Variants in NPIPB15 observed in about 807,000 individuals in gnomAD.
NPIPB15 encodes the protein nuclear pore complex interacting protein family member B15.
In NPIPB15, 5 loss-of-function variants were observed where a neutral mutation model predicts 35.9. The observed-to-expected ratio is 0.14, with a 90% CI of 0.07 to 0.29. NPIPB15 has a LOEUF of 0.29. NPIPB15 is among the 10% of genes least tolerant of loss of function. The probability of loss-of-function intolerance (pLI) is 1.00; values close to 1 mark genes in which losing one functional copy is unlikely to be tolerated. For missense variants in NPIPB15, 100 were observed against 506.1 expected, an observed-to-expected ratio of 0.20 and a Z score of 7.70; for synonymous variants, 43 against 182.0, an observed-to-expected ratio of 0.24 and a Z score of 6.15.
chr16:74,382,888 G>C (rs1438192258), intron 3 of NPIPB15, among the ~76,000 whole-genome samples: 101 of 148,598 alleles, frequency 6.8e-4, no homozygotes, highest in Non-Finnish European at 1.1e-3. Context: ...GAGAATTTTT[G>C]GTATAAATTG....
rs2011682073 is a variant in NPIPB15, at chr16:74,376,752, A to G, written c.-617A>G. 6.6e-6 allele frequency among the ~76,000 whole-genome samples: 1 copy of G among 151,360 alleles called. No homozygotes were observed. Among genetic ancestry groups the G allele is most frequent in the Non-Finnish European group, 1.5e-5 (1 of 67,886 alleles). On this transcript the variant is annotated 5_prime_UTR_variant, in exon 1 of 8. Transcript: ENST00000692376. ...ACACAACCTTGTGCCACAAAGAGGA[A>G]TTCCCAGGCCAGGGGGAGACATTTT...
At chr16:74,384,994 TGTGTGTG>T (rs2012191470) in intron 3 of NPIPB15, among the ~76,000 whole-genome samples, 4 of 24,270 alleles carry the variant, frequency 1.6e-4, no homozygotes, top group East Asian at 3.6e-3. Context: ...GTCATTCTTG[TGTGTGTG>T]TGTGTGTGTG....
At position 74,376,429 on chromosome 16, in the gene NPIPB15, G is replaced by T. The variant is rs1350380029; in HGVS notation, c.-940G>T. Among the ~76,000 whole-genome samples the T allele has an allele frequency of 6.6e-6, 1 of 150,976 alleles. No homozygotes were observed. The highest frequency in any genetic ancestry group is 6.7e-5 in the Admixed American group (1 of 14,906). On this transcript the variant is annotated 5_prime_UTR_variant, in exon 1 of 8. Coordinates refer to ENST00000692376, the MANE Select transcript of NPIPB15 (RefSeq NM_001306094.2). Reference sequence around the variant, plus strand: ...GGTCTGTCCTGGTCACCAGACCCCTGGGTCCTGCCCACCTGCTTGGAGCTC... The same window carrying T: ...GGTCTGTCCTGGTCACCAGACCCCTTGGTCCTGCCCACCTGCTTGGAGCTC...
chr16:74,379,954 A>ATTTTT (rs1172863582), intron 2 of NPIPB15, among the ~76,000 whole-genome samples: 2 of 139,226 alleles, frequency 1.4e-5, no homozygotes, highest in African/African-American at 5.3e-5. Context: ...TCTTCATTGT[A>ATTTTT]TTTTTTTTTT....
At chr16:74,382,724 T>G (rs1346939318) in intron 3 of NPIPB15, among the ~76,000 whole-genome samples, 1 of 152,252 alleles carries the variant, frequency 6.6e-6, no homozygotes, top group Non-Finnish European at 1.5e-5. Flanking sequence ...CTTTTTTATA[T>G]TCAAGGGAAG....
At chr16:74,387,369 C>T (rs1427479718) in intron 5 of NPIPB15, among the ~76,000 whole-genome samples, 10 of 149,124 alleles carry the variant, frequency 6.7e-5, no homozygotes, top group African/African-American at 1.0e-4. Flanking sequence ...ATTCCAAATG[C>T]GAGGCTGACT....
rs1324063963 is a variant in NPIPB15, at chr16:74,376,314, A to C, written c.-1055A>C. Among the ~76,000 whole-genome samples the C allele has an allele frequency of 6.6e-6, 1 of 151,278 alleles. No individual in the cohort carries two copies. Among genetic ancestry groups the C allele is most frequent in the Non-Finnish European group, 1.5e-5 (1 of 67,948 alleles). The stretch of plus-strand genomic sequence containing the variant: ...GTGGTTTTCAGCTGCCAGAGGCCTG[A>C]GTGAGTTTGGGCACACTCTGTGTGA... On this transcript the variant is annotated 5_prime_UTR_variant, in exon 1 of 8. Coordinates refer to ENST00000692376, the MANE Select transcript of NPIPB15 (RefSeq NM_001306094.2).
At chr16:74,380,877 G>A (rs1348128868) in intron 2 of NPIPB15, among the ~76,000 whole-genome samples, 5 of 152,350 alleles carry the variant, frequency 3.3e-5, no homozygotes, top group African/African-American at 1.2e-4. Context: ...TGGGCACGGT[G>A]GCTCACACCT....
intron 5 of NPIPB15, chr16:74,388,681 G>T (rs2012400563): frequency 1.0e-6 from 1 of 961,604 alleles, no homozygotes; most frequent in African/African-American, 1.8e-5. Flanking sequence ...GGTGGATCAT[G>T]TGTGTGCATT....
intron 5 of NPIPB15, among the ~76,000 whole-genome samples, chr16:74,387,433 T>G (rs1263586414): frequency 6.7e-6 from 1 of 149,672 alleles, no homozygotes; most frequent in Non-Finnish European, 1.5e-5. Flanking sequence ...TTTACTGCCA[T>G]GTTAGCTATT....
rs71218016 is a variant in NPIPB15 at position 74,386,457 on chromosome 16, A to ATT, written c.545+726_545+727dup. On this transcript the variant is annotated intron_variant, in intron 5 of 7. Coordinates refer to ENST00000692376, the MANE Select transcript of NPIPB15 (RefSeq NM_001306094.2). Reference sequence around the variant, plus strand: ...AGGTGTGTGCCACCACATTCGGCCAATTTTTTTTTTTTTTTTTTTGAGACA... The same window carrying ATT: ...AGGTGTGTGCCACCACATTCGGCCAATTTTTTTTTTTTTTTTTTTTTGAGACA... Among the ~76,000 whole-genome samples, 448 of 66,132 alleles carry ATT rather than the reference A, an allele frequency of 6.8e-3. 2 individuals carry two copies. Among genetic ancestry groups the ATT allele is most frequent in the African/African-American group, 0.027 (402 of 15,060 alleles). The allele number at this position is 66,132 out of a possible 152,430, so 43.4% of individuals were successfully genotyped here.
chr16:74,376,641 A>G lies in NPIPB15; in HGVS notation c.-728A>G, dbSNP rs1046694497. ...TTCAGAATTTAAAGTCCACACACAC[A>G]GGCAGTAAGATGATTATAGATAAGG... On this transcript the variant is annotated 5_prime_UTR_variant, in exon 1 of 8. Coordinates refer to ENST00000692376, the MANE Select transcript of NPIPB15 (RefSeq NM_001306094.2). 2.0e-4 allele frequency among the ~76,000 whole-genome samples: 31 copies of G among 152,154 alleles called. No homozygotes were observed. The highest frequency in any genetic ancestry group is 1.2e-3 in the Admixed American group (19 of 15,232).
At chr16:74,385,034 TGA>T (rs2012196371) in intron 3 of NPIPB15, among the ~76,000 whole-genome samples, 1 of 132,260 alleles carries the variant, frequency 7.6e-6, no homozygotes, top group Non-Finnish European at 1.6e-5. Context: ...TGTGTGTGTG[TGA>T]CAGAGTCTCA....
At chr16:74,379,585 ATTTTT>A (rs547124371) in intron 2 of NPIPB15, among the ~76,000 whole-genome samples, 201 of 124,478 alleles carry the variant, frequency 1.6e-3, no homozygotes, top group African/African-American at 2.0e-3. Context: ...CACCTTGGTA[ATTTTT>A]TTTTTTTTTT....
At chr16:74,378,434 T>G (rs1298446987) in intron 2 of NPIPB15, among the ~76,000 whole-genome samples, 31 of 128,126 alleles carry the variant, frequency 2.4e-4, no homozygotes, top group East Asian at 1.9e-3. Context: ...TTTTTTTTTT[T>G]TTTTTTTTTT....
At position 74,376,536 on chromosome 16, in the gene NPIPB15, T is replaced by C. The variant is rs2011672648; in HGVS notation, c.-833T>C. ...AGGAGAGAAGCTGATGAACTTTGTT[T>C]CTTGAAATGCACAGATTCCTTGGAC... is the stretch of plus-strand genomic sequence containing the variant. On this transcript the variant is annotated 5_prime_UTR_variant, in exon 1 of 8. Coordinates refer to ENST00000692376, the MANE Select transcript of NPIPB15 (RefSeq NM_001306094.2). 6.6e-6 allele frequency among the ~76,000 whole-genome samples: 1 copy of C among 150,794 alleles called. No homozygotes were observed. Among genetic ancestry groups the C allele is most frequent in the Admixed American group, 6.8e-5 (1 of 14,804 alleles).
At position 74,379,618 on chromosome 16, in the gene NPIPB15, C is replaced by T. The variant is rs1424175851; in HGVS notation, c.66+1579C>T. Among the ~76,000 whole-genome samples, 7 of 147,952 alleles carry T rather than the reference C, an allele frequency of 4.7e-5. No homozygotes were observed. The East Asian group carries it at 1.0e-3, about 21-fold the overall frequency. On this transcript the variant is annotated intron_variant, in intron 2 of 7. Transcript: ENST00000692376. Reference sequence around the variant, plus strand: ...TTTTTTTTTTTTTTTGAGACAGAGTCTCGCTCTGTCACCCAGGCTGAAGTG... The same window carrying T: ...TTTTTTTTTTTTTTTGAGACAGAGTTTCGCTCTGTCACCCAGGCTGAAGTG...
intron 3 of NPIPB15, among the ~76,000 whole-genome samples, chr16:74,382,615 C>T (rs1160103152): frequency 1.3e-5 from 2 of 152,272 alleles, no homozygotes; most frequent in Non-Finnish European, 2.9e-5. Context: ...TTGAGCTCTA[C>T]ATTTTGTCTT....
intron 3 of NPIPB15, among the ~76,000 whole-genome samples, chr16:74,384,978 C>T: frequency 7.5e-6 from 1 of 133,866 alleles, no homozygotes; most frequent in African/African-American, 2.9e-5. Context: ...ACCGTGCCAG[C>T]CTCATGTCAT....
Sources: allele counts gnomAD v4.1 joint callset (sites outside exome capture counted in the v4.1 genomes callset), GRCh38; gene constraint gnomAD v4.1.1; transcripts MANE v1.5; gene names NCBI Gene and HGNC (gene_info 2026-07-23, HGNC 2026-07-21).